The following RBFOX3 variants were observed in gnomAD, a reference collection of about 807,000 sequenced individuals.
The protein encoded by RBFOX3 is RNA binding protein fox-1 homolog 3.
RBFOX3 carries 17 observed loss-of-function variants against 48.7 expected under a neutral mutation model. The observed-to-expected ratio is 0.35, with a 90% confidence interval of 0.24 to 0.52. The LOEUF is 0.52. Ranked by LOEUF, RBFOX3 falls within the 20% of genes least tolerant of loss-of-function variation. The pLI, the probability that RBFOX3 is intolerant of heterozygous loss-of-function variation, is 0.94. For synonymous variants in RBFOX3, 212 were observed against 209.5 expected (o/e 1.01, Z -0.10); for missense variants, 382 against 497.5 (o/e 0.77, Z 2.21).
In RBFOX3 at chr17:79,248,650, A is replaced by G. The variant is rs73999914; in HGVS notation, c.-73-12845T>C. On this transcript the variant is annotated intron_variant, in intron 3 of 14. Transcript: ENST00000693108. ...TGGGCCTGTGCTTGGTGTCCCCCACAGTGACGGCCGGAGTGCTTTGCACAT... is the reference window on the plus strand; with the variant it reads ...TGGGCCTGTGCTTGGTGTCCCCCACGGTGACGGCCGGAGTGCTTTGCACAT... 6.8e-3 allele frequency among the ~76,000 whole-genome samples: 1,040 copies of G among 152,362 alleles called. 16 individuals are homozygous for G. The highest frequency in any genetic ancestry group is 0.023 in the African/African-American group (968 of 41,586).
At chr17:79,463,147 CTCCACCACCATCGCCACT>C (rs1278581376) in intron 2 of RBFOX3, among the ~76,000 whole-genome samples, 1 of 149,108 alleles carries the variant, frequency 6.7e-6, no homozygotes, top group Non-Finnish European at 1.5e-5. Flanking sequence ...CCACCGCCAC[CTCCACCACCATCGCCACT>C]GCCACCTCCA....
chr17:79,653,096 TC>T, the RBFOX3 span, among the ~76,000 whole-genome samples: 953 of 152,304 alleles, frequency 6.3e-3, 12 homozygotes, highest in African/African-American at 0.022. Context: ...TCAACCAGAC[TC>T]GTTAACTGAA....
chr17:79,147,002 C>G (rs1005053646), intron 4 of RBFOX3, among the ~76,000 whole-genome samples: 3 of 152,136 alleles, frequency 2.0e-5, no homozygotes, highest in Admixed American at 2.0e-4. Context: ...AGATCCTTTA[C>G]TTTGGATCTT....
rs886210270 is a variant in RBFOX3, at chr17:79,237,428, G to A, written c.-73-1623C>T. 3.9e-5 allele frequency among the ~76,000 whole-genome samples: 6 copies of A among 152,160 alleles called. No individual in the cohort carries two copies. The East Asian group carries it at 1.2e-3, about 29-fold the overall frequency. On this transcript the variant is annotated intron_variant, in intron 3 of 14. Coordinates refer to ENST00000693108, the MANE Select transcript of RBFOX3 (RefSeq NM_001350451.2). ...CCATTCTTCAGATAAAGAAACCAAG[G>A]CCCCAGCTGGTGAAGCGACTGTGGC...
At chr17:79,409,398 A>G (rs1339435004) in intron 2 of RBFOX3, among the ~76,000 whole-genome samples, 1 of 152,168 alleles carries the variant, frequency 6.6e-6, no homozygotes, top group Non-Finnish European at 1.5e-5. Flanking sequence ...TGATAGTTCC[A>G]TGTCCAACTT....
At chr17:79,132,452 C>T (rs903558807) in intron 4 of RBFOX3, among the ~76,000 whole-genome samples, 2 of 152,208 alleles carry the variant, frequency 1.3e-5, no homozygotes, top group Admixed American at 6.5e-5. Context: ...TGTGTACTCA[C>T]GCAGGTGCAG....
intron 1 of RBFOX3, among the ~76,000 whole-genome samples, chr17:79,574,916 C>A (rs1037743670): frequency 2.0e-5 from 3 of 152,162 alleles, no homozygotes; most frequent in African/African-American, 7.2e-5. Flanking sequence ...TCTGAGTCAG[C>A]AGGTCTGGGC....
rs963135696 is a variant in RBFOX3 at position 79,204,163 on chromosome 17, A to G, written c.-34+31603T>C. On this transcript the variant is annotated intron_variant, in intron 4 of 14. Coordinates refer to ENST00000693108, the MANE Select transcript of RBFOX3 (RefSeq NM_001350451.2). This position sits in a 1 kb window ranked among gnomAD's most constrained non-coding sequence, Gnocchi z 4.5. The stretch of plus-strand genomic sequence containing the variant: ...TACTTCCCCTACTGCCATGACAGCA[A>G]TAGCTAGAGTTGGGGTTCAGCACAG... 6.6e-6 allele frequency among the ~76,000 whole-genome samples: 1 copy of G among 152,170 alleles called. No homozygotes were observed. The highest frequency in any genetic ancestry group is 1.5e-5 in the Non-Finnish European group (1 of 68,018).
the RBFOX3 span, among the ~76,000 whole-genome samples, chr17:79,635,689 C>A: frequency 3.3e-5 from 5 of 152,018 alleles, no homozygotes; most frequent in African/African-American, 1.2e-4. Context: ...AGATTTATAT[C>A]CCATATAACA....
Position 79,538,595 on chromosome 17 carries a change from G to A in RBFOX3, c.-319-55997C>T, listed in dbSNP as rs73426824. On this transcript the variant is annotated intron_variant, in intron 1 of 14. Transcript: ENST00000693108. The stretch of plus-strand genomic sequence containing the variant: ...CGGGTGGGCTTTGAGAATCATCCTC[G>A]CCAGCCCCTGCCTTTAGGGCAGCAG... Among the ~76,000 whole-genome samples, 530 of 152,298 alleles carry A rather than the reference G, an allele frequency of 3.5e-3. 1 individual carries two copies. Among genetic ancestry groups the A allele is most frequent in the African/African-American group, 0.012 (500 of 41,564 alleles).
At chr17:79,429,419 G>T (rs1473220292) in intron 2 of RBFOX3, among the ~76,000 whole-genome samples, 1 of 152,230 alleles carries the variant, frequency 6.6e-6, no homozygotes, top group Admixed American at 6.5e-5. Flanking sequence ...GTGGCAGCAG[G>T]TGATGGGAGG....
chr17:79,524,667 G>A (rs1278881790), intron 1 of RBFOX3, among the ~76,000 whole-genome samples: 1 of 152,118 alleles, frequency 6.6e-6, no homozygotes, highest in Non-Finnish European at 1.5e-5. Context: ...CTGGGGGTTA[G>A]ATCCTGCTGC....
intron 4 of RBFOX3, among the ~76,000 whole-genome samples, chr17:79,190,743 T>C (rs537197021): frequency 5.3e-5 from 8 of 152,260 alleles, no homozygotes; most frequent in Admixed American, 4.6e-4. Flanking sequence ...AAGGGGGAGC[T>C]TAGACCAGAA....
chr17:79,521,484 TCA>T (rs1318604874), intron 1 of RBFOX3, among the ~76,000 whole-genome samples: 96 of 150,532 alleles, frequency 6.4e-4, no homozygotes, highest in African/African-American at 1.6e-3. Context: ...TCAGACACAT[TCA>T]CACACACACG....
At chr17:79,397,477 A>G (rs1457288565) in intron 2 of RBFOX3, among the ~76,000 whole-genome samples, 1 of 150,238 alleles carries the variant, frequency 6.7e-6, no homozygotes, top group Non-Finnish European at 1.5e-5. Context: ...TGGGCAACAG[A>G]GGAGGACTCC....
In RBFOX3 at chr17:79,537,985, G is replaced by A. The variant is rs1000865413; in HGVS notation, c.-319-55387C>T. Reference sequence around the variant, plus strand: ...AACGTGCACTGGGTGCTGTGGTGGGGTTGGGGGCAGGGGTGCTGGTGAGGG... The same window carrying A: ...AACGTGCACTGGGTGCTGTGGTGGGATTGGGGGCAGGGGTGCTGGTGAGGG... On this transcript the variant is annotated intron_variant, in intron 1 of 14. Transcript: ENST00000693108. Among the ~76,000 whole-genome samples, 25 of 152,206 alleles carry A rather than the reference G, an allele frequency of 1.6e-4. 1 individual carries two copies. Among genetic ancestry groups the A allele is most frequent in the Admixed American group, 1.6e-3 (25 of 15,286 alleles).
At chr17:79,239,805 A>G (rs2147978212) in intron 3 of RBFOX3, among the ~76,000 whole-genome samples, 1 of 152,372 alleles carries the variant, frequency 6.6e-6, no homozygotes, top group South Asian at 2.1e-4. Context: ...AGGGAATGAA[A>G]TTGTAACAGG....
the RBFOX3 span, among the ~76,000 whole-genome samples, chr17:79,634,637 G>A: frequency 6.6e-6 from 1 of 152,144 alleles, no homozygotes; most frequent in African/African-American, 2.4e-5. Context: ...AGCCTTCAGG[G>A]TAATTGACCA....
intron 2 of RBFOX3, among the ~76,000 whole-genome samples, chr17:79,454,766 A>C (rs1688799773): frequency 6.6e-6 from 1 of 152,208 alleles, no homozygotes; most frequent in Non-Finnish European, 1.5e-5. Context: ...CTCCAGAAGC[A>C]GCCCTATCCA....
Sources: gnomAD v4.1 joint callset for allele counts (sites outside exome capture counted in the v4.1 genomes callset) on GRCh38, gnomAD v4.1.1 for gene constraint, Gnocchi (gnomAD v3.1) non-coding constraint, MANE v1.5 for transcripts, NCBI Gene and HGNC (gene_info 2026-07-23, HGNC 2026-07-21) for gene names.